The following CCDC141 variants were observed in gnomAD, a reference collection of about 807,000 sequenced individuals.
The protein encoded by CCDC141 is coiled-coil domain containing 141.
In CCDC141, 168 loss-of-function variants were observed where a neutral mutation model predicts 181.0. The observed-to-expected ratio is 0.93, with a 90% CI of 0.82 to 1.05. The LOEUF is 1.05. CCDC141 is among the 50% of genes least tolerant of loss of function. The probability of loss-of-function intolerance (pLI) is 0.00; values close to 1 mark genes in which losing one functional copy is unlikely to be tolerated. For missense variants in CCDC141, 1,902 were observed against 1,788.5 expected, an observed-to-expected ratio of 1.06 and a Z score of -1.14; for synonymous variants, 666 against 642.3, an observed-to-expected ratio of 1.04 and a Z score of -0.56.
Position 178,941,205 on chromosome 2 carries a change from G to A in CCDC141, c.897+3330C>T, listed in dbSNP as rs148783815. On this transcript the variant is annotated intron_variant, in intron 6 of 23. Coordinates refer to ENST00000443758, the MANE Select transcript of CCDC141 (RefSeq NM_173648.4). The stretch of plus-strand genomic sequence containing the variant: ...GCCTTATTCTGCCATATTCTGGTTT[G>A]ACCACCCCCTCCTAACCAACAACTC... 3.9e-4 allele frequency among the ~76,000 whole-genome samples: 60 copies of A among 152,156 alleles called. No homozygotes were observed. The East Asian group carries it at 0.011, about 29-fold the overall frequency.
intron 2 of CCDC141, among the ~76,000 whole-genome samples, chr2:179,015,269 A>ATC (rs1168777683): frequency 2.9e-5 from 4 of 136,920 alleles, no homozygotes; most frequent in Non-Finnish European, 4.7e-5. Flanking sequence ...TATATCATAT[A>ATC]TATCTCATCT....
At chr2:178,977,118 ACAAAAAATAATTAGTCTTTT>A (rs1223738396) in intron 3 of CCDC141, among the ~76,000 whole-genome samples, 5 of 152,206 alleles carry the variant, frequency 3.3e-5, no homozygotes, top group African/African-American at 1.2e-4. Context: ...ACAGGATAAT[ACAAAAAATAATTAGTCTTTT>A]CACTAGATTC....
intron 2 of CCDC141, among the ~76,000 whole-genome samples, chr2:179,018,560 T>C (rs577047453): frequency 3.4e-4 from 51 of 152,182 alleles, no homozygotes; most frequent in Non-Finnish European, 7.2e-4. Context: ...TTCTACACTT[T>C]AGCATCTGCC....
chr2:178,854,666 A>T lies in CCDC141; in HGVS notation c.3060+681T>A, dbSNP rs528034582. Among the ~76,000 whole-genome samples, 371 of 152,362 alleles carry T rather than the reference A, an allele frequency of 2.4e-3. 1 individual carries two copies. The Middle Eastern group carries it at 0.041, about 17-fold the overall frequency. ...AGTGCCACAAAGGGACCACAAACTT[A>T]TACATCATATGTAGAAGACTGATCA... On this transcript the variant is annotated intron_variant, in intron 19 of 23. Transcript: ENST00000443758.
chr2:178,936,316 T>C (rs1443786070), intron 6 of CCDC141, among the ~76,000 whole-genome samples: 1 of 152,148 alleles, frequency 6.6e-6, no homozygotes, highest in East Asian at 1.9e-4. Flanking sequence ...CTTCTGCATG[T>C]GGCTAGTCAA....
chr2:178,910,905 A>C (rs947418564), intron 7 of CCDC141, among the ~76,000 whole-genome samples: 9 of 152,216 alleles, frequency 5.9e-5, no homozygotes, highest in Non-Finnish European at 1.0e-4. Context: ...TTTGGGATTG[A>C]AAGTGGTATG....
intron 2 of CCDC141, among the ~76,000 whole-genome samples, chr2:178,983,444 A>G (rs1691544935): frequency 6.6e-6 from 1 of 152,214 alleles, no homozygotes; most frequent in Non-Finnish European, 1.5e-5. Context: ...CCTTACCAGC[A>G]ATGGAACAAA....
chr2:178,851,985 A>G (rs1685184117), intron 20 of CCDC141, among the ~76,000 whole-genome samples: 1 of 152,210 alleles, frequency 6.6e-6, no homozygotes, highest in Admixed American at 6.5e-5. Flanking sequence ...CTTCCCTACC[A>G]AACAGACGGA....
intron 2 of CCDC141, among the ~76,000 whole-genome samples, chr2:179,045,198 T>G (rs2043452633): frequency 7.1e-6 from 1 of 140,536 alleles, no homozygotes; most frequent in South Asian, 2.6e-4. Flanking sequence ...GAGTGTGATG[T>G]TCCCCTTCCT....
intron 2 of CCDC141, among the ~76,000 whole-genome samples, chr2:179,015,495 T>TA (rs1559049886): frequency 1.4e-4 from 18 of 133,294 alleles, no homozygotes; most frequent in South Asian, 2.5e-4. Context: ...ATCATATATG[T>TA]GCCATATATA....
intron 2 of CCDC141, among the ~76,000 whole-genome samples, chr2:179,015,242 C>A (rs1383255554): frequency 7.4e-6 from 1 of 135,484 alleles, no homozygotes. Flanking sequence ...ATATATATAT[C>A]TCATATATAT....
rs1575392878 is a variant in CCDC141, at chr2:179,049,875, C to T, written c.67G>A (p.Ala23Thr). 3 of 1,550,796 alleles carry T rather than the reference C, an allele frequency of 1.9e-6. No individual in the cohort carries two copies. The highest frequency in any genetic ancestry group is 2.6e-6 in the Non-Finnish European group (3 of 1,146,966). Residue 23 changes from alanine (A) to threonine (T), a missense_variant, in exon 1 of 24, where the codon GCT becomes ACT. Physicochemically the swap from Ala to Thr is moderately conservative, Grantham distance 58. Coordinates refer to ENST00000443758, the MANE Select transcript of CCDC141 (RefSeq NM_173648.4). ...TTTVSSVAVQ[A>T]GDSKIVIAVI... ...GCTATAACGATTTTGGAGTCCCCAGCCTGCACAGCAACTGAACTGACTGTC... is the reference window on the plus strand; with the variant it reads ...GCTATAACGATTTTGGAGTCCCCAGTCTGCACAGCAACTGAACTGACTGTC...
At position 178,979,834 on chromosome 2, in the gene CCDC141, T is replaced by C. The variant is rs181775764; in HGVS notation, c.226-1159A>G. Among the ~76,000 whole-genome samples, 113 of 152,212 alleles carry C rather than the reference T, an allele frequency of 7.4e-4. 2 individuals carry two copies. Among genetic ancestry groups the C allele is most frequent in the African/African-American group, 2.6e-3 (109 of 41,550 alleles). Reference sequence around the variant, plus strand: ...TATAACCAGTCTTACATCAAACAAATAGATAACAAGAACTACAATTATGGA... The same window carrying C: ...TATAACCAGTCTTACATCAAACAAACAGATAACAAGAACTACAATTATGGA... On this transcript the variant is annotated intron_variant, in intron 2 of 23. Coordinates refer to ENST00000443758, the MANE Select transcript of CCDC141 (RefSeq NM_173648.4).
intron 4 of CCDC141, among the ~76,000 whole-genome samples, chr2:178,974,355 C>T (rs80318810): frequency 0.022 from 3,313 of 152,160 alleles, 140 homozygotes; most frequent in African/African-American, 0.076. Context: ...AGAAAAGAAA[C>T]GGTTGTTTCT....
At chr2:178,974,431 G>A (rs890918005) in intron 4 of CCDC141, among the ~76,000 whole-genome samples, 1 of 152,114 alleles carries the variant, frequency 6.6e-6, no homozygotes, top group Non-Finnish European at 1.5e-5. Context: ...CCACAAATGC[G>A]TTTCCCTACT....
chr2:178,996,662 G>C (rs1001325407), intron 2 of CCDC141, among the ~76,000 whole-genome samples: 1 of 152,136 alleles, frequency 6.6e-6, no homozygotes, highest in Non-Finnish European at 1.5e-5. Context: ...GCTTTAGGGA[G>C]AGCAACTTAG....
intron 7 of CCDC141, among the ~76,000 whole-genome samples, chr2:178,915,540 GT>G (rs1230662405): frequency 6.6e-6 from 1 of 152,172 alleles, no homozygotes; most frequent in Non-Finnish European, 1.5e-5. Context: ...ACAAGAAGTT[GT>G]TTGCTGAAAA....
Position 178,855,424 on chromosome 2 carries a change from C to A in CCDC141, c.2983G>T (p.Asp995Tyr). 2 of 1,611,828 alleles carry A rather than the reference C, an allele frequency of 1.2e-6. No individual in the cohort carries two copies. The highest frequency in any genetic ancestry group is 1.7e-6 in the Non-Finnish European group (2 of 1,179,186). ...TCTGTCACAACTTTGTCAAAGTCATCCACATGTTTTTGCAAATCCTTCATG... is the reference window on the plus strand; with the variant it reads ...TCTGTCACAACTTTGTCAAAGTCATACACATGTTTTTGCAAATCCTTCATG... ...EVMKDLQKHV[D>Y]DFDKVVTDYK... The change falls in exon 19 of 24, where the codon GAT (aspartate) becomes TAT (tyrosine). Residue 995 changes from aspartate to tyrosine, a missense_variant. Coordinates refer to ENST00000443758, the MANE Select transcript of CCDC141 (RefSeq NM_173648.4).
Position 178,836,844 on chromosome 2 carries a change from CTG to C in CCDC141, c.4325+48_4325+49del, listed in dbSNP as rs1268868989. 2.6e-6 allele frequency: 4 copies of C among 1,557,122 alleles called. No individual in the cohort carries two copies. In the East Asian group the frequency reaches 9.0e-5, roughly 35 times the overall value. On this transcript the variant is annotated intron_variant, in intron 23 of 23. Coordinates refer to ENST00000443758, the MANE Select transcript of CCDC141 (RefSeq NM_173648.4). The stretch of plus-strand genomic sequence containing the variant: ...TTAGTGCTCACAGAATGATTTTTCT[CTG>C]TGATTGAATTTGTTTCCATTTATGG...
Sources: allele counts gnomAD v4.1 joint callset (sites outside exome capture counted in the v4.1 genomes callset), GRCh38; gene constraint gnomAD v4.1.1; transcripts MANE v1.5; gene names NCBI Gene and HGNC (gene_info 2026-07-23, HGNC 2026-07-21).